Variants in ARHGAP12 observed in about 807,000 individuals in gnomAD.
ARHGAP12 encodes Rho GTPase activating protein 12.
Under a neutral mutation model 108.6 loss-of-function variants are expected in ARHGAP12, and 64 were observed. The observed-to-expected ratio is 0.59, with a 90% confidence interval of 0.48 to 0.73. The LOEUF (loss-of-function observed/expected upper bound fraction) is 0.73. ARHGAP12 is among the 30% of genes least tolerant of loss of function. The pLI, the probability that ARHGAP12 is intolerant of heterozygous loss-of-function variation, is 0.00. For synonymous variants in ARHGAP12, 312 were observed against 337.2 expected (o/e 0.93, Z 0.82); for missense variants, 940 against 1,005.9 (o/e 0.93, Z 0.89).
At chr10:31,917,021 C>T (rs1839586744) in intron 1 of ARHGAP12, among the ~76,000 whole-genome samples, 1 of 152,200 alleles carries the variant, frequency 6.6e-6, no homozygotes, top group Admixed American at 6.5e-5. Context: ...GTTAATATAG[C>T]TTCAAACATA....
At chr10:31,899,841 T>C (rs1160668075) in intron 3 of ARHGAP12, among the ~76,000 whole-genome samples, 2 of 152,116 alleles carry the variant, frequency 1.3e-5, no homozygotes, top group Non-Finnish European at 2.9e-5. Flanking sequence ...ACAGTAAAAA[T>C]ATGATCCATG....
Position 31,831,724 on chromosome 10 carries a change from G to A in ARHGAP12, c.1448+15C>T, listed in dbSNP as rs1157242215. 4.0e-6 allele frequency: 6 copies of A among 1,516,718 alleles called. No individual in the cohort carries two copies. The highest frequency in any genetic ancestry group is 2.3e-5 in the East Asian group (1 of 43,434). 94.0% of individuals were successfully genotyped at this position (1,516,718 alleles called of 1,614,324 possible). ...AGATGAATCATGTAAGAACATTAAA[G>A]ACTTGTGTACTTACCGAACCTTTTT... On this transcript the variant is annotated intron_variant, in intron 10 of 19. Coordinates refer to ENST00000344936, the MANE Select transcript of ARHGAP12 (RefSeq NM_018287.7).
At chr10:31,878,386 T>C (rs1174841257) in intron 3 of ARHGAP12, among the ~76,000 whole-genome samples, 1 of 152,220 alleles carries the variant, frequency 6.6e-6, no homozygotes, top group African/African-American at 2.4e-5. Flanking sequence ...CTAAACCTAC[T>C]TCAATAAATA....
intron 1 of ARHGAP12, among the ~76,000 whole-genome samples, chr10:31,915,527 G>A (rs1401972586): frequency 6.8e-6 from 1 of 147,180 alleles, no homozygotes; most frequent in African/African-American, 2.7e-5. Context: ...CTATTGTACA[G>A]CAAGGTGACT....
intron 3 of ARHGAP12, among the ~76,000 whole-genome samples, chr10:31,901,459 A>G (rs770115730): frequency 6.8e-6 from 1 of 146,736 alleles, no homozygotes; most frequent in Non-Finnish European, 1.5e-5. Flanking sequence ...GTGAGCCTGG[A>G]AAGTGGAAGG....
chr10:31,886,927 T>C (rs2132386522), intron 3 of ARHGAP12, among the ~76,000 whole-genome samples: 1 of 152,330 alleles, frequency 6.6e-6, no homozygotes, highest in East Asian at 1.9e-4. Flanking sequence ...TTCAGGCCTT[T>C]CTCTTACAGT....
chr10:31,893,097 A>T (rs534184140), intron 3 of ARHGAP12, among the ~76,000 whole-genome samples: 73 of 152,356 alleles, frequency 4.8e-4, no homozygotes, highest in African/African-American at 1.7e-3. Flanking sequence ...ACACATTTAA[A>T]GCAGTGTGTA....
chr10:31,813,097 C>G (rs1835078714), intron 14 of ARHGAP12, among the ~76,000 whole-genome samples: 1 of 152,088 alleles, frequency 6.6e-6, no homozygotes, highest in Non-Finnish European at 1.5e-5. Flanking sequence ...CAAGACATCC[C>G]TAATTTACTC....
chr10:31,809,038 G>C lies in ARHGAP12; in HGVS notation c.2219C>G (p.Pro740Arg). 2 of 1,600,678 alleles carry C rather than the reference G, an allele frequency of 1.2e-6. No homozygotes were observed. Among genetic ancestry groups the C allele is most frequent in the Non-Finnish European group, 1.7e-6 (2 of 1,168,920 alleles). ...ATTAAAATGATTAAATGTAAAAAGA[G>C]GTTCTGGTAATTCTCGAAAAAACAT... Reference protein sequence around the residue: ...LKMFFRELPEPLFTFNHFNDF... With the variant: ...LKMFFRELPERLFTFNHFNDF... The change falls in exon 18 of 20, where the codon CCT becomes CGT. Residue 740 changes from proline (P) to arginine (R), a missense_variant. By Grantham distance (103) the Pro-to-Arg change is moderately radical. Transcript: ENST00000344936.
chr10:31,879,159 C>A (rs1195555905), intron 3 of ARHGAP12, among the ~76,000 whole-genome samples: 2 of 152,140 alleles, frequency 1.3e-5, no homozygotes, highest in African/African-American at 4.8e-5. Context: ...ACCTGTAATC[C>A]CAGCAGTTGG....
chr10:31,860,990 G>A (rs746411667), intron 4 of ARHGAP12, among the ~76,000 whole-genome samples: 3 of 152,204 alleles, frequency 2.0e-5, no homozygotes, highest in Non-Finnish European at 4.4e-5. Flanking sequence ...AAGAGTTTGA[G>A]GCTACAGTGA....
chr10:31,825,658 T>C (rs1835578005), intron 11 of ARHGAP12, among the ~76,000 whole-genome samples: 1 of 152,178 alleles, frequency 6.6e-6, no homozygotes. Context: ...AGACAATATA[T>C]ACACAATCCT....
chr10:31,857,653 G>C (rs1836937644), intron 4 of ARHGAP12, among the ~76,000 whole-genome samples: 1 of 152,096 alleles, frequency 6.6e-6, no homozygotes, highest in South Asian at 2.1e-4. Context: ...ATAGACACAT[G>C]ATCTTTAAAG....
chr10:31,904,180 T>C (rs572928958), intron 3 of ARHGAP12, among the ~76,000 whole-genome samples: 154 of 152,348 alleles, frequency 1.0e-3, no homozygotes, highest in African/African-American at 3.4e-3. Context: ...GCAGCTTTGT[T>C]TGCAACAGCC....
At chr10:31,927,947 A>T (rs1276543480) in intron 1 of ARHGAP12, among the ~76,000 whole-genome samples, 2 of 152,198 alleles carry the variant, frequency 1.3e-5, no homozygotes, top group Admixed American at 1.3e-4. Flanking sequence ...CTTTGAGGAG[A>T]TTCCGCCCAG....
chr10:31,900,510 C>T (rs1327239498), intron 3 of ARHGAP12, among the ~76,000 whole-genome samples: 4 of 152,140 alleles, frequency 2.6e-5, no homozygotes, highest in Non-Finnish European at 5.9e-5. Context: ...TTAGATTATA[C>T]AGCAATAAAA....
In ARHGAP12 at chr10:31,818,520, T is replaced by C. The variant is rs1025257918; in HGVS notation, c.1633-634A>G. Among the ~76,000 whole-genome samples, 6 of 152,280 alleles carry C rather than the reference T, an allele frequency of 3.9e-5. 1 individual carries two copies. The Middle Eastern group carries it at 0.017, about 432-fold the overall frequency. ...GTACAATCTCTGTTTTGCAGTTTCT[T>C]AAACTTAAGTGAGGAAGAATTTTGA... On this transcript the variant is annotated intron_variant, in intron 12 of 19. Coordinates refer to ENST00000344936, the MANE Select transcript of ARHGAP12 (RefSeq NM_018287.7).
chr10:31,849,269 T>A (rs1836582067), intron 6 of ARHGAP12, among the ~76,000 whole-genome samples: 1 of 152,128 alleles, frequency 6.6e-6, no homozygotes, highest in Non-Finnish European at 1.5e-5. Context: ...GTCTAATAGT[T>A]TTCTGGTTCC....
chr10:31,882,179 G>T (rs1350826370), intron 3 of ARHGAP12, among the ~76,000 whole-genome samples: 1 of 152,094 alleles, frequency 6.6e-6, no homozygotes, highest in African/African-American at 2.4e-5. Context: ...CTCCCAAAGT[G>T]CTAGATGTTT....
Sources: allele counts gnomAD v4.1 joint callset (sites outside exome capture counted in the v4.1 genomes callset), GRCh38; gene constraint gnomAD v4.1.1; transcripts MANE v1.5; gene names NCBI Gene and HGNC (gene_info 2026-07-23, HGNC 2026-07-21).